The following PIKFYVE variants were observed in gnomAD, a reference collection of about 807,000 sequenced individuals.
PIKFYVE encodes 1-phosphatidylinositol 3-phosphate 5-kinase.
Under a neutral mutation model 257.9 loss-of-function variants are expected in PIKFYVE, and 122 were observed. That is an observed-to-expected ratio of 0.47 (90% CI 0.41 to 0.55). The LOEUF (loss-of-function observed/expected upper bound fraction) is 0.55, where lower values mean the gene tolerates loss of function less well. Ranked by LOEUF, PIKFYVE falls within the 20% of genes least tolerant of loss-of-function variation. The probability of loss-of-function intolerance (pLI) is 0.00; values close to 1 mark genes in which losing one functional copy is unlikely to be tolerated. For missense variants in PIKFYVE, 2,160 were observed against 2,536.6 expected, an observed-to-expected ratio of 0.85 and a Z score of 3.19; for synonymous variants, 892 against 868.9, an observed-to-expected ratio of 1.03 and a Z score of -0.47.
intron 28 of PIKFYVE, 105 bp downstream of exon 28, chr2:208,337,033 T>C (rs1361684885): frequency 6.1e-6 from 5 of 826,108 alleles, no homozygotes; most frequent in Admixed American, 2.1e-5. Flanking sequence ...AGTAATGATA[T>C]CCAGTAGGGT....
At chr2:208,279,243 T>C (rs535455961) in intron 5 of PIKFYVE, among the ~76,000 whole-genome samples, 1 of 152,320 alleles carries the variant, frequency 6.6e-6, no homozygotes, top group East Asian at 1.9e-4. Context: ...CAATTTTTAA[T>C]GGGGTCATTT....
chr2:208,274,049 C>T, intron 3 of PIKFYVE: 1 of 1,611,996 alleles, frequency 6.2e-7, no homozygotes, highest in South Asian at 1.1e-5. Context: ...CCCAGGAGAA[C>T]ACAGGTTAGT....
chr2:208,305,204 CTTG>C, intron 12 of PIKFYVE, 191 bp downstream of exon 12: 6 of 1,482,428 alleles, frequency 4.0e-6, no homozygotes, highest in Non-Finnish European at 5.4e-6. Context: ...CCTTTTATTT[CTTG>C]TTTTCTCCCT....
intron 3 of PIKFYVE, 111 bp from the exon 4 acceptor site, chr2:208,276,600 AG>A: frequency 1.2e-6 from 1 of 810,430 alleles, no homozygotes; most frequent in Non-Finnish European, 2.2e-6. Context: ...ACCGGGTGGG[AG>A]AACATAATTA....
At position 208,333,416 on chromosome 2, in the gene PIKFYVE, C is replaced by T. The variant is rs1161942901; in HGVS notation, c.4065C>T (p.Asn1355=). ...FYGHQYTRRA[N]AEPCGHSIHH... The stretch of plus-strand genomic sequence containing the variant: ...GGCACCAGTATACTCGCAGAGCCAA[C>T]GCTGAGCCCTGTGGTCACTCCATCC... The change falls in exon 24 of 42, where the codon AAC becomes AAT. Residue 1355 remains asparagine, a synonymous_variant. Coordinates refer to ENST00000264380, the MANE Select transcript of PIKFYVE (RefSeq NM_015040.4). 7 of 1,614,046 alleles carry T rather than the reference C, an allele frequency of 4.3e-6. No homozygotes were observed. Among genetic ancestry groups the T allele is most frequent in the Non-Finnish European group, 5.9e-6 (7 of 1,179,964 alleles).
intron 7 of PIKFYVE, 49 bp from the exon 8 acceptor site, chr2:208,298,592 T>G: frequency 6.2e-7 from 1 of 1,603,490 alleles, no homozygotes; most frequent in Non-Finnish European, 8.5e-7. Context: ...ATTCTGTTTA[T>G]TGAAGAAGAA....
At position 208,356,189 on chromosome 2, in the gene PIKFYVE, C is replaced by A. The variant is rs1171955777; in HGVS notation, c.*884C>A. The A allele has an allele frequency of 2.0e-5, 3 of 152,018 alleles. No individual in the cohort carries two copies. Among genetic ancestry groups the A allele is most frequent in the Non-Finnish European group, 4.4e-5 (3 of 68,026 alleles). 9.4% of individuals were successfully genotyped at this position (152,018 alleles called of 1,614,324 possible). On this transcript the variant is annotated 3_prime_UTR_variant, in exon 42 of 42. Transcript: ENST00000264380. Reference sequence around the variant, plus strand: ...TTTGAAATATAAAAAATAAATTAGGCCCAATCCAAGAAATTGAGTGAGAAG... The same window carrying A: ...TTTGAAATATAAAAAATAAATTAGGACCAATCCAAGAAATTGAGTGAGAAG...
At chr2:208,306,971 G>C (rs1694402914) in intron 12 of PIKFYVE, among the ~76,000 whole-genome samples, 1 of 152,026 alleles carries the variant, frequency 6.6e-6, no homozygotes, top group Non-Finnish European at 1.5e-5. Flanking sequence ...TAAAGGTGGG[G>C]TTTTGCCATG....
At chr2:208,323,952 G>A (rs1267161891) in intron 17 of PIKFYVE, among the ~76,000 whole-genome samples, 190 bp from the exon 18 acceptor site, 1 of 56,892 alleles carries the variant, frequency 1.8e-5, no homozygotes, top group African/African-American at 3.8e-5. Context: ...CTTTTTGATG[G>A]GGTTGTTTGT....
chr2:208,336,288 G>T, intron 27 of PIKFYVE, 88 bp downstream of exon 27: 1 of 1,479,536 alleles, frequency 6.8e-7, no homozygotes, highest in Non-Finnish European at 9.4e-7. Flanking sequence ...TTTAATTATG[G>T]ATGTTTCATT....
At chr2:208,349,069 A>G (rs547216704) in intron 35 of PIKFYVE, among the ~76,000 whole-genome samples, 1 of 152,262 alleles carries the variant, frequency 6.6e-6, no homozygotes, top group African/African-American at 2.4e-5. Context: ...AGGCTGAGGC[A>G]CGAGAACTGC....
rs897869069 is a variant in PIKFYVE, at chr2:208,284,508, G to A, written c.614-1218G>A. ...ACTACTGACCTCAGGTGATTTATCC[G>A]TCTCAGTCTCCCAAAGTGCTGGGAT... On this transcript the variant is annotated intron_variant, in intron 5 of 41. Transcript: ENST00000264380. Among the ~76,000 whole-genome samples the A allele has an allele frequency of 9.9e-5, 15 of 152,068 alleles. No individual in the cohort carries two copies. The East Asian group carries it at 2.5e-3, about 25-fold the overall frequency.
At chr2:208,313,270 T>C (rs1695124914) in intron 13 of PIKFYVE, among the ~76,000 whole-genome samples, 1 of 152,206 alleles carries the variant, frequency 6.6e-6, no homozygotes, top group African/African-American at 2.4e-5. Context: ...ATTATTTATT[T>C]TTTGTCTTAT....
In PIKFYVE at chr2:208,288,771, A is replaced by G. The variant is rs138429371; in HGVS notation, c.864A>G (p.Arg288=). The change falls in exon 7 of 42, where the codon AGA becomes AGG. Residue 288 remains arginine, a synonymous_variant. Coordinates refer to ENST00000264380, the MANE Select transcript of PIKFYVE (RefSeq NM_015040.4). ...CCTCAAATACTCCTCTTTCAACAAG[A>G]CTTGTATCTGTGCAAGAGGATGCTG... ...PDSSNTPLST[R]LVSVQEDAGK... 5 of 1,614,064 alleles carry G rather than the reference A, an allele frequency of 3.1e-6. No homozygotes were observed. The highest frequency in any genetic ancestry group is 2.2e-5 in the South Asian group (2 of 91,076).
In PIKFYVE at chr2:208,271,402, G is replaced by C. The variant is rs1412459155; in HGVS notation, c.-9-109G>C. The C allele has an allele frequency of 4.8e-6, 5 of 1,047,430 alleles. No individual in the cohort carries two copies. The African/African-American group carries it at 7.9e-5, about 16-fold the overall frequency. 64.9% of individuals were successfully genotyped at this position (1,047,430 alleles called of 1,614,324 possible). On this transcript the variant is annotated intron_variant, in intron 1 of 41. Coordinates refer to ENST00000264380, the MANE Select transcript of PIKFYVE (RefSeq NM_015040.4). The stretch of plus-strand genomic sequence containing the variant: ...GATTTATTTACTGTTTGTTTTCATA[G>C]TCTGACTTTTCACAGAATAGGATTT...
At chr2:208,343,482 C>T (rs1236682733) in intron 32 of PIKFYVE, among the ~76,000 whole-genome samples, 1 of 152,186 alleles carries the variant, frequency 6.6e-6, no homozygotes, top group East Asian at 1.9e-4. Context: ...ATGTTTTTTC[C>T]TGTACATACA....
chr2:208,277,636 C>A lies in PIKFYVE; in HGVS notation c.541C>A (p.Arg181=), dbSNP rs749499920. ...AACCTTTAGGCGCAGACACCATTGC[C>A]GACTATGTGGGCAGATTTTCTGCAG... ...FTTFRRRHHC[R]LCGQIFCSRC... is the part of the protein sequence containing the mutation. Residue 181 remains arginine (R), a synonymous_variant, in exon 5 of 42, where the codon CGA becomes AGA. Transcript: ENST00000264380. The A allele has an allele frequency of 6.2e-7, 1 of 1,613,872 alleles. No individual in the cohort carries two copies. Among genetic ancestry groups the A allele is most frequent in the Non-Finnish European group, 8.5e-7 (1 of 1,179,816 alleles).
rs1455639325 is a variant in PIKFYVE at position 208,298,674 on chromosome 2, A to T, written c.945A>T (p.Arg315Ser). 4.3e-6 allele frequency: 7 copies of T among 1,614,110 alleles called. No individual in the cohort carries two copies. The highest frequency in any genetic ancestry group is 5.9e-6 in the Non-Finnish European group (7 of 1,179,982). ...SASITNLSLDRSGSPMVPSYE... is the reference protein window; with the variant it reads ...SASITNLSLDSSGSPMVPSYE... ...GCATTACTAACCTGTCACTGGATAG[A>T]TCTGGTTCTCCTATGGTACCTTCAT... Residue 315 changes from arginine (R) to serine (S), a missense_variant, in exon 8 of 42, where the codon AGA (arginine) becomes AGT (serine). Arg to Ser is a moderately radical substitution (Grantham distance 110). Coordinates refer to ENST00000264380, the MANE Select transcript of PIKFYVE (RefSeq NM_015040.4).
At chr2:208,351,254 C>A in intron 37 of PIKFYVE, 98 bp from the exon 38 acceptor site, 1 of 1,089,788 alleles carries the variant, frequency 9.2e-7, no homozygotes, top group Non-Finnish European at 1.4e-6. Flanking sequence ...CCCTTAAAAT[C>A]ATAAAACAAC....
Sources: gnomAD v4.1 joint callset for allele counts (sites outside exome capture counted in the v4.1 genomes callset) on GRCh38, gnomAD v4.1.1 for gene constraint, MANE v1.5 for transcripts, NCBI Gene and HGNC (gene_info 2026-07-23, HGNC 2026-07-21) for gene names.